KCNT2: variants seen among roughly 807,000 people sequenced by gnomAD.
KCNT2 encodes potassium sodium-activated channel subfamily T member 2.
In KCNT2, 67 loss-of-function variants were observed where a neutral mutation model predicts 153.8. That is an observed-to-expected ratio of 0.44 (90% CI 0.36 to 0.53). The LOEUF (loss-of-function observed/expected upper bound fraction) is 0.53, where lower values mean the gene tolerates loss of function less well. Among genes scored for constraint, KCNT2 ranks in the 20% least tolerant of loss-of-function variants. The pLI is 0.00. For missense variants in KCNT2, 975 were observed against 1,354.8 expected, an observed-to-expected ratio of 0.72 and a Z score of 4.40; for synonymous variants, 500 against 458.8, an observed-to-expected ratio of 1.09 and a Z score of -1.15.
chr1:196,355,108 A>T (rs1051099068), intron 14 of KCNT2, among the ~76,000 whole-genome samples: 2 of 151,710 alleles, frequency 1.3e-5, no homozygotes, highest in Admixed American at 6.6e-5. Flanking sequence ...CTAACACATA[A>T]CTATGTATTA....
chr1:196,568,650 G>A (rs1310451517), intron 1 of KCNT2, among the ~76,000 whole-genome samples: 1 of 151,654 alleles, frequency 6.6e-6, no homozygotes, highest in Non-Finnish European at 1.5e-5. Flanking sequence ...ACAGGAGGCG[G>A]AGCTCAGGTG....
intron 26 of KCNT2, among the ~76,000 whole-genome samples, chr1:196,239,076 A>C (rs1654713871): frequency 6.6e-6 from 1 of 151,902 alleles, no homozygotes; most frequent in South Asian, 2.1e-4. Flanking sequence ...TAATTAAAAT[A>C]TGGCTTTGCT....
At chr1:196,557,435 A>T (rs1658829226) in intron 1 of KCNT2, among the ~76,000 whole-genome samples, 1 of 151,176 alleles carries the variant, frequency 6.6e-6, no homozygotes, top group Non-Finnish European at 1.5e-5. Context: ...CCATCATATC[A>T]TTTCTTGAGG....
chr1:196,449,855 CTT>C (rs1314565859), intron 8 of KCNT2, among the ~76,000 whole-genome samples: 2 of 151,458 alleles, frequency 1.3e-5, no homozygotes, highest in Admixed American at 6.6e-5. Flanking sequence ...GAAAAATTGA[CTT>C]TATGATGTTT....
At chr1:196,516,223 G>T (rs1682037240) in intron 1 of KCNT2, among the ~76,000 whole-genome samples, 1 of 152,152 alleles carries the variant, frequency 6.6e-6, no homozygotes, top group African/African-American at 2.4e-5. Flanking sequence ...CCTTGAGATG[G>T]AGCTCCCAGA....
chr1:196,369,049 T>C (rs1158116935), intron 14 of KCNT2, among the ~76,000 whole-genome samples: 2 of 152,194 alleles, frequency 1.3e-5, no homozygotes, highest in South Asian at 2.1e-4. Context: ...AGTATTTTTC[T>C]TATCAATTCT....
chr1:196,429,499 T>G, intron 9 of KCNT2, 78 bp downstream of exon 9: 1 of 930,212 alleles, frequency 1.1e-6, no homozygotes, highest in Non-Finnish European at 1.6e-6. Flanking sequence ...TAAGCCACTT[T>G]CCATTTCTTA....
At position 196,481,205 on chromosome 1, in the gene KCNT2, A is replaced by G. The variant is rs547313132; in HGVS notation, c.324+1126T>C. Among the ~76,000 whole-genome samples, 117 of 152,176 alleles carry G rather than the reference A, an allele frequency of 7.7e-4. 1 individual carries two copies. The highest frequency in any genetic ancestry group is 1.4e-3 in the Non-Finnish European group (93 of 68,026). ...TTATGATCACAATGCACACATACTTAAAGTAATTCATTATCACATACAAAT... is the reference window on the plus strand; with the variant it reads ...TTATGATCACAATGCACACATACTTGAAGTAATTCATTATCACATACAAAT... On this transcript the variant is annotated intron_variant, in intron 4 of 27. Transcript: ENST00000294725.
rs1664578611 is a variant in KCNT2 at position 196,332,691 on chromosome 1, T to C, written c.1997+1156A>G. On this transcript the variant is annotated intron_variant, in intron 17 of 27. Transcript: ENST00000294725. ...TACTCTACACAAAACATTGTTTTTG[T>C]ATAAACACTTTTTCTCCATTATCTC... is the stretch of plus-strand genomic sequence containing the variant. 2.0e-5 allele frequency among the ~76,000 whole-genome samples: 3 copies of C among 152,124 alleles called. No individual in the cohort carries two copies. In the South Asian group the frequency reaches 6.2e-4, roughly 31 times the overall value.
At chr1:196,406,805 C>A (rs978901535) in intron 12 of KCNT2, among the ~76,000 whole-genome samples, 7 of 151,308 alleles carry the variant, frequency 4.6e-5, no homozygotes, top group African/African-American at 1.2e-4. Context: ...TGTAATTCTG[C>A]TTTTGATTCC....
intron 18 of KCNT2, among the ~76,000 whole-genome samples, chr1:196,327,833 A>C (rs1187439128): frequency 6.6e-6 from 1 of 151,430 alleles, no homozygotes; most frequent in Non-Finnish European, 1.5e-5. Flanking sequence ...TGCTCGACTA[A>C]TGTTTTTGTA....
intron 14 of KCNT2, 147 bp from the exon 15 acceptor site, chr1:196,342,375 C>A: frequency 2.2e-6 from 1 of 451,750 alleles, no homozygotes; most frequent in African/African-American, 2.1e-5. Context: ...GCTTTGAAGT[C>A]TGAAGATGAC....
At chr1:196,449,776 A>G (rs746617723) in intron 8 of KCNT2, among the ~76,000 whole-genome samples, 15 of 151,630 alleles carry the variant, frequency 9.9e-5, no homozygotes, top group Non-Finnish European at 1.8e-4. Flanking sequence ...TATCTGCACA[A>G]TTTCAGGAGG....
At chr1:196,241,189 T>C (rs985431060) in intron 26 of KCNT2, among the ~76,000 whole-genome samples, 2 of 140,142 alleles carry the variant, frequency 1.4e-5, no homozygotes, top group Non-Finnish European at 3.1e-5. Context: ...GAGGGTTTTG[T>C]TTTGTTTTTG....
chr1:196,601,330 T>C (rs764624053), intron 1 of KCNT2, among the ~76,000 whole-genome samples: 1 of 152,232 alleles, frequency 6.6e-6, no homozygotes, highest in Non-Finnish European at 1.5e-5. Flanking sequence ...TTCTCCTTTA[T>C]AGCCTAGCAC....
chr1:196,241,594 G>A, intron 26 of KCNT2, among the ~76,000 whole-genome samples: 1 of 151,790 alleles, frequency 6.6e-6, no homozygotes, highest in East Asian at 1.9e-4. Flanking sequence ...TTTTATGATA[G>A]GCAAGATAAA....
chr1:196,545,704 T>G (rs973159360), intron 1 of KCNT2, among the ~76,000 whole-genome samples: 5 of 151,672 alleles, frequency 3.3e-5, no homozygotes, highest in Admixed American at 6.6e-5. Flanking sequence ...ATTTGCCCAG[T>G]GAGCTCTCCA....
At chr1:196,345,446 G>C (rs1315432746) in intron 14 of KCNT2, among the ~76,000 whole-genome samples, 1 of 152,118 alleles carries the variant, frequency 6.6e-6, no homozygotes, top group African/African-American at 2.4e-5. Context: ...AGTTTAGCTG[G>C]AATTCAGGGA....
chr1:196,429,535 G>A (rs1420139736), intron 9 of KCNT2, 42 bp downstream of exon 9: 1 of 1,318,698 alleles, frequency 7.6e-7, no homozygotes, highest in East Asian at 2.4e-5. Context: ...TCAATTTCAT[G>A]TCTCTGTACA....
Sources: gnomAD v4.1 joint callset for allele counts (sites outside exome capture counted in the v4.1 genomes callset) on GRCh38, gnomAD v4.1.1 for gene constraint, MANE v1.5 for transcripts, NCBI Gene and HGNC (gene_info 2026-07-23, HGNC 2026-07-21) for gene names.